The following ERI2 variants were observed in gnomAD, a reference collection of about 807,000 sequenced individuals.
The protein encoded by ERI2 is ERI1 exoribonuclease 2.
In ERI2, 35 loss-of-function variants were observed where a neutral mutation model predicts 46.8. That is an observed-to-expected ratio of 0.75 (90% CI 0.57 to 0.99). The LOEUF (loss-of-function observed/expected upper bound fraction) is 0.99. ERI2 is among the 50% of genes least tolerant of loss of function. ERI2 has a pLI of 0.00. For missense variants in ERI2, 695 were observed against 796.2 expected, an observed-to-expected ratio of 0.87 and a Z score of 1.53; for synonymous variants, 224 against 271.0, an observed-to-expected ratio of 0.83 and a Z score of 1.70.
Position 20,801,319 on chromosome 16 carries a change from G to A in ERI2, c.344C>T (p.Ser115Phe). The A allele has an allele frequency of 2.5e-6, 4 of 1,609,222 alleles. No individual in the cohort carries two copies. Among genetic ancestry groups the A allele is most frequent in the Middle Eastern group, 3.3e-4 (2 of 6,044 alleles). ...CTTATGAATCCATTTACAGAACTGA[G>A]ATAAGCAAATCTTCAGAGGGACTCC... Reference protein sequence around the residue: ...DEGVPLKICLSQFCKWIHKIQ... With the variant: ...DEGVPLKICLFQFCKWIHKIQ... The change falls in exon 5 of 9, where the codon TCT becomes TTT. Residue 115 changes from serine to phenylalanine, a missense_variant. By Grantham distance (155) the Ser-to-Phe change is radical. Coordinates refer to ENST00000357967, the MANE Select transcript of ERI2 (RefSeq NM_001142725.2).
chr16:20,795,169 A>T (rs987434400), downstream of ERI2, among the ~76,000 whole-genome samples: 2 of 152,202 alleles, frequency 1.3e-5, no homozygotes, highest in Non-Finnish European at 2.9e-5. Flanking sequence ...CATGTAAATT[A>T]AAAATGTTCA....
intron 10 of ERI2, chr16:20,786,221 C>G (rs920264492): frequency 6.4e-7 from 1 of 1,560,730 alleles, no homozygotes; most frequent in South Asian, 1.2e-5. Flanking sequence ...CTACCTACCG[C>G]TTACCCCCAT....
downstream of ERI2, among the ~76,000 whole-genome samples, chr16:20,791,499 G>T (rs993605557): frequency 2.6e-4 from 39 of 152,164 alleles, no homozygotes; most frequent in African/African-American, 9.4e-4. Context: ...ACTAATCTTT[G>T]TAACTGTAGT....
At chr16:20,781,692 T>C in intron 10 of ERI2, 1 of 1,600,152 alleles carries the variant, frequency 6.2e-7, no homozygotes, top group Non-Finnish European at 8.6e-7. Context: ...AAGAGTTTGC[T>C]TTTTCTAAAT....
chr16:20,800,280 TG>T, intron 6 of ERI2, 21 bp downstream of exon 6: 2 of 1,503,346 alleles, frequency 1.3e-6, no homozygotes, highest in Non-Finnish European at 1.8e-6. Flanking sequence ...AAAGTAAACA[TG>T]CCCCCATTTT....
Position 20,790,780 on chromosome 16 carries a change from T to A in ERI2, c.815+70A>T. 1 of 1,613,346 alleles carries A rather than the reference T, an allele frequency of 6.2e-7. No homozygotes were observed. On this transcript the variant is annotated intron_variant, in intron 9 of 10. Transcript: ENST00000300005. The surrounding 1 kb of genome is among the most constrained non-coding windows in gnomAD (Gnocchi z 4.0). Reference sequence around the variant, plus strand: ...TGCCACAAAACATACCTAGGATAGGTACTTGACCCTTTCTTGAGAGATTGG... The same window carrying A: ...TGCCACAAAACATACCTAGGATAGGAACTTGACCCTTTCTTGAGAGATTGG...
At position 20,796,490 on chromosome 16, in the gene ERI2, G is replaced by A. The variant is rs914937693; in HGVS notation, c.*1234C>T. 1 of 1,610,940 alleles carries A rather than the reference G, an allele frequency of 6.2e-7. No homozygotes were observed. On this transcript the variant is annotated 3_prime_UTR_variant, in exon 9 of 9. Coordinates refer to ENST00000357967, the MANE Select transcript of ERI2 (RefSeq NM_001142725.2). Reference sequence around the variant, plus strand: ...AGCACCTTACAAATATCCCAGAAAGGTAGGCATCCTAATTATAACGAATAT... The same window carrying A: ...AGCACCTTACAAATATCCCAGAAAGATAGGCATCCTAATTATAACGAATAT...
chr16:20,797,558 C>A lies in ERI2; in HGVS notation c.*166G>T. On this transcript the variant is annotated 3_prime_UTR_variant, in exon 9 of 9. Coordinates refer to ENST00000357967, the MANE Select transcript of ERI2 (RefSeq NM_001142725.2). The stretch of plus-strand genomic sequence containing the variant: ...ACTATTGTTGCTTATTATATGTAAT[C>A]TAATAAATACTGTTTACAAAAGATT... The A allele has an allele frequency of 8.0e-7, 1 of 1,244,134 alleles. No homozygotes were observed. The highest frequency in any genetic ancestry group is 1.0e-6 in the Non-Finnish European group (1 of 992,500). 77.1% of individuals were successfully genotyped at this position (1,244,134 alleles called of 1,614,324 possible).
intron 10 of ERI2, among the ~76,000 whole-genome samples, chr16:20,788,456 G>T (rs2080522207): frequency 6.6e-6 from 1 of 152,164 alleles, no homozygotes; most frequent in African/African-American, 2.4e-5. Context: ...ATGCAAATAT[G>T]ATGAGGCTGA....
At chr16:20,780,602 A>G (rs1406220382) in exon 11 of ERI2, 1 of 1,606,226 alleles carries the variant, frequency 6.2e-7, no homozygotes, top group Non-Finnish European at 8.5e-7. Flanking sequence ...AGCCACTGGC[A>G]CCTGATTCAT....
At chr16:20,801,155 G>A (rs758845774) in intron 5 of ERI2, 48 bp downstream of exon 5, 4 of 1,441,048 alleles carry the variant, frequency 2.8e-6, no homozygotes, top group Non-Finnish European at 3.7e-6. Flanking sequence ...GAATTACATA[G>A]TGGTAATGCT....
chr16:20,805,122 T>C (rs1273913916), intron 1 of ERI2, among the ~76,000 whole-genome samples: 5 of 152,118 alleles, frequency 3.3e-5, no homozygotes, highest in Non-Finnish European at 7.4e-5. Flanking sequence ...ATAATTCATA[T>C]TGTGAATTAA....
intron 10 of ERI2, chr16:20,784,913 A>G: frequency 1.3e-6 from 2 of 1,519,724 alleles, no homozygotes; most frequent in East Asian, 2.3e-5. Flanking sequence ...GAAGTTCATA[A>G]GAAATAATCC....
intron 10 of ERI2, among the ~76,000 whole-genome samples, chr16:20,785,704 G>A (rs974614205): frequency 6.6e-6 from 1 of 152,128 alleles, no homozygotes; most frequent in Non-Finnish European, 1.5e-5. Context: ...TTCACAATGT[G>A]TCTTTATAAT....
At position 20,790,529 on chromosome 16, in the gene ERI2, T is replaced by A; in HGVS notation, c.815+321A>T. 3 of 1,501,562 alleles carry A rather than the reference T, an allele frequency of 2.0e-6. No homozygotes were observed. Among genetic ancestry groups the A allele is most frequent in the Non-Finnish European group, 2.8e-6 (3 of 1,090,584 alleles). The allele number at this position is 1,501,562 out of a possible 1,614,324, so 93.0% of individuals were successfully genotyped here. On this transcript the variant is annotated intron_variant, in intron 9 of 10. Transcript: ENST00000300005. This position sits in a 1 kb window ranked among gnomAD's most constrained non-coding sequence, Gnocchi z 4.0. ...CAAAATAAAACTTGCAAAGTTAATA[T>A]TTAAGCTGCGACATTAAACAAAAAT...
chr16:20,782,950 G>A (rs939070291), intron 10 of ERI2, among the ~76,000 whole-genome samples: 2 of 152,198 alleles, frequency 1.3e-5, no homozygotes, highest in Admixed American at 6.5e-5. Context: ...TTTCCGGCAC[G>A]TGGTGCTCTC....
At chr16:20,784,976 C>A (rs2080439060) in intron 10 of ERI2, 1 of 1,606,634 alleles carries the variant, frequency 6.2e-7, no homozygotes, top group Non-Finnish European at 8.5e-7. Context: ...ATCTGGTTTT[C>A]TGAGAAGCTA....
chr16:20,802,119 A>C (rs566619778), intron 4 of ERI2, among the ~76,000 whole-genome samples: 37 of 149,734 alleles, frequency 2.5e-4, no homozygotes, highest in African/African-American at 8.8e-4. Context: ...AGGTGGGCAG[A>C]TCACTTGAGG....
In ERI2 at chr16:20,788,131, T is replaced by C. The variant is rs116275606; in HGVS notation, c.894+1348A>G. ...TTATTTTTTTATTTTTTCACATTCC[T>C]CTTTGAAAAGCTTATCTAAGAAAAA... On this transcript the variant is annotated intron_variant, in intron 10 of 10. Transcript: ENST00000300005. 6.6e-3 allele frequency among the ~76,000 whole-genome samples: 1,007 copies of C among 152,280 alleles called. 18 individuals are homozygous for C. Among genetic ancestry groups the C allele is most frequent in the African/African-American group, 0.023 (947 of 41,546 alleles).
Sources: allele counts gnomAD v4.1 joint callset (sites outside exome capture counted in the v4.1 genomes callset), GRCh38; gene constraint gnomAD v4.1.1; non-coding constraint Gnocchi (gnomAD v3.1); transcripts MANE v1.5; gene names NCBI Gene and HGNC (gene_info 2026-07-23, HGNC 2026-07-21).